Variants in ATL2 observed in about 807,000 individuals in gnomAD.
ATL2 encodes atlastin GTPase 2, also known as atlastin-2.
Under a neutral mutation model 73.9 loss-of-function variants are expected in ATL2, and 31 were observed. That is an observed-to-expected ratio of 0.42 (90% CI 0.32 to 0.57). The LOEUF (loss-of-function observed/expected upper bound fraction) is 0.57, where lower values mean the gene tolerates loss of function less well. Among genes scored for constraint, ATL2 ranks in the 20% least tolerant of loss-of-function variants. The probability of loss-of-function intolerance (pLI) is 0.14; values close to 1 mark genes in which losing one functional copy is unlikely to be tolerated. For synonymous variants in ATL2, 291 were observed against 237.5 expected (o/e 1.23, Z -2.07); for missense variants, 738 against 702.6 (o/e 1.05, Z -0.57).
Position 38,318,890 on chromosome 2 carries a change from T to G in ATL2, c.493A>C (p.Thr165Pro), listed in dbSNP as rs1260378744. Reference sequence around the variant, plus strand: ...AAGTATAAACAGAATTTTACTTTAGTTCCATTAGGTCTGTCAATCACAAAT... The same window carrying G: ...AAGTATAAACAGAATTTTACTTTAGGTCCATTAGGTCTGTCAATCACAAAT... ...EVFVIDRPNG[T>P]KVAVLLMDTQ... The change falls in exon 3 of 13, where the codon ACT becomes CCT. Residue 165 changes from threonine (T) to proline (P), a missense_variant. By Grantham distance (38) the Thr-to-Pro change is conservative. Coordinates refer to ENST00000378954, the MANE Select transcript of ATL2 (RefSeq NM_001135673.4). 11 of 1,610,854 alleles carry G rather than the reference T, an allele frequency of 6.8e-6. No individual in the cohort carries two copies. The highest frequency in any genetic ancestry group is 9.3e-6 in the Non-Finnish European group (11 of 1,179,262).
intron 9 of ATL2, among the ~76,000 whole-genome samples, chr2:38,303,948 T>C (rs1171268948): frequency 6.6e-6 from 1 of 152,014 alleles, no homozygotes; most frequent in Non-Finnish European, 1.5e-5. Context: ...CTGGACAACG[T>C]AGAGAAATGA....
intron 1 of ATL2, among the ~76,000 whole-genome samples, chr2:38,373,126 A>T (rs1671776768): frequency 6.6e-6 from 1 of 152,172 alleles, no homozygotes; most frequent in African/African-American, 2.4e-5. Flanking sequence ...ACTACCTTAT[A>T]TGAGGGCTCC....
intron 9 of ATL2, among the ~76,000 whole-genome samples, chr2:38,301,316 G>T (rs1028857405): frequency 2.0e-5 from 3 of 152,156 alleles, no homozygotes; most frequent in African/African-American, 7.2e-5. Context: ...TGGGAAGGAG[G>T]CAGAGCAAGA....
intron 1 of ATL2, among the ~76,000 whole-genome samples, chr2:38,358,052 T>C (rs1396504824): frequency 1.3e-5 from 2 of 152,162 alleles, no homozygotes; most frequent in Non-Finnish European, 2.9e-5. Flanking sequence ...CCTGATTCAA[T>C]AAAACTGGGA....
chr2:38,301,077 T>C (rs1323232760), intron 9 of ATL2, among the ~76,000 whole-genome samples: 2 of 151,700 alleles, frequency 1.3e-5, no homozygotes, highest in Non-Finnish European at 2.9e-5. Flanking sequence ...TTCAAGCAAC[T>C]GTCCTGCCTC....
At chr2:38,332,934 T>C (rs1307140070) in intron 2 of ATL2, among the ~76,000 whole-genome samples, 1 of 152,154 alleles carries the variant, frequency 6.6e-6, no homozygotes, top group Non-Finnish European at 1.5e-5. Flanking sequence ...ACATGTCTTG[T>C]AAGTCCCAGC....
chr2:38,296,762 ATC>A, intron 12 of ATL2: 3 of 1,549,476 alleles, frequency 1.9e-6, no homozygotes, highest in East Asian at 4.9e-5. Flanking sequence ...CACAGCACAG[ATC>A]TCTGACTAGC....
intron 3 of ATL2, 55 bp from the exon 4 acceptor site, chr2:38,318,694 A>G: frequency 7.1e-7 from 1 of 1,415,252 alleles, no homozygotes; most frequent in Non-Finnish European, 9.6e-7. Flanking sequence ...AAATGACTAT[A>G]AAAAAAATCA....
At chr2:38,317,715 A>G (rs959771443) in intron 4 of ATL2, among the ~76,000 whole-genome samples, 1 of 152,182 alleles carries the variant, frequency 6.6e-6, no homozygotes, top group South Asian at 2.1e-4. Context: ...TTTTAGCCAA[A>G]AAAACAAAAA....
chr2:38,356,843 A>T (rs904000380), intron 1 of ATL2, among the ~76,000 whole-genome samples: 1 of 152,194 alleles, frequency 6.6e-6, no homozygotes, highest in Non-Finnish European at 1.5e-5. Flanking sequence ...TCTTGTATGA[A>T]CGGTCTATTC....
At chr2:38,297,316 C>A (rs1301219689) in intron 12 of ATL2, among the ~76,000 whole-genome samples, 2 of 152,174 alleles carry the variant, frequency 1.3e-5, no homozygotes, top group African/African-American at 2.4e-5. Flanking sequence ...ATTTCATGAG[C>A]CCAAAAATGG....
chr2:38,376,161 T>G, intron 1 of ATL2: 2 of 1,532,158 alleles, frequency 1.3e-6, no homozygotes, highest in South Asian at 1.2e-5. Flanking sequence ...AAAAACTTTA[T>G]GCCTTTCTTA....
intron 1 of ATL2, among the ~76,000 whole-genome samples, chr2:38,370,757 C>G (rs1558463440): frequency 6.6e-6 from 1 of 152,040 alleles, no homozygotes; most frequent in Admixed American, 6.6e-5. Flanking sequence ...CAGAGCAAGA[C>G]TCGATCTCAA....
intron 12 of ATL2, chr2:38,297,933 T>C (rs781226351): frequency 2.7e-5 from 14 of 517,944 alleles, no homozygotes; most frequent in South Asian, 2.0e-4. Flanking sequence ...ATCCAGAGGA[T>C]AGTACAGATT....
At chr2:38,306,276 C>T (rs1402011714) in intron 9 of ATL2, among the ~76,000 whole-genome samples, 1 of 152,062 alleles carries the variant, frequency 6.6e-6, no homozygotes. Context: ...AAGAAAAGCC[C>T]GAAAGCTAAT....
intron 4 of ATL2, 151 bp downstream of exon 4, chr2:38,318,384 T>A: frequency 2.1e-6 from 1 of 474,572 alleles, no homozygotes; most frequent in Non-Finnish European, 3.7e-6. Context: ...GTTAGGAGAA[T>A]GAACCCAGGA....
Position 38,318,534 on chromosome 2 carries a change from C to T in ATL2, c.603+1G>A. ...TCGCACCACTTAATCTTGTGTCTCA[C>T]CTGGACAGAGCTAGTCATAGTGCTC... On this transcript the variant is annotated splice_donor_variant, in intron 4 of 12. Coordinates refer to ENST00000378954, the MANE Select transcript of ATL2 (RefSeq NM_001135673.4). LOFTEE classifies it high-confidence loss of function. The T allele has an allele frequency of 1.9e-6, 3 of 1,584,080 alleles. No homozygotes were observed. Among genetic ancestry groups the T allele is most frequent in the Non-Finnish European group, 2.6e-6 (3 of 1,169,774 alleles).
chr2:38,323,200 G>A (rs1023952281), intron 2 of ATL2, among the ~76,000 whole-genome samples: 1 of 151,922 alleles, frequency 6.6e-6, no homozygotes, highest in Non-Finnish European at 1.5e-5. Flanking sequence ...ACACTAATCT[G>A]ATACTATTTA....
At chr2:38,368,358 T>C (rs997684004) in intron 1 of ATL2, among the ~76,000 whole-genome samples, 2 of 151,710 alleles carry the variant, frequency 1.3e-5, no homozygotes, top group Admixed American at 6.6e-5. Flanking sequence ...GTTCAAGCGA[T>C]TCTCCTGCCT....
Sources: allele counts gnomAD v4.1 joint callset (sites outside exome capture counted in the v4.1 genomes callset), GRCh38; gene constraint gnomAD v4.1.1; transcripts MANE v1.5; gene names NCBI Gene and HGNC (gene_info 2026-07-23, HGNC 2026-07-21).